The following KCNMA1 variants were observed in gnomAD, a reference collection of about 807,000 sequenced individuals.
The protein encoded by KCNMA1 is Calcium-activated potassium channel subunit alpha-1.
In KCNMA1, 29 loss-of-function variants were observed where a neutral mutation model predicts 140.0. The ratio of observed to expected loss-of-function variants is 0.21; its 90% CI spans 0.15 to 0.28. KCNMA1 has a LOEUF of 0.28. KCNMA1 is among the 10% of genes least tolerant of loss of function. The probability of loss-of-function intolerance (pLI) is 1.00; values close to 1 mark genes in which losing one functional copy is unlikely to be tolerated. For missense variants in KCNMA1, 880 were observed against 1,602.2 expected (o/e 0.55, Z 7.70); for synonymous variants, 612 against 611.9 (o/e 1.00, Z 0.00).
chr10:77,201,383 C>G (rs2042395727), intron 3 of KCNMA1, among the ~76,000 whole-genome samples: 1 of 152,182 alleles, frequency 6.6e-6, no homozygotes, highest in Non-Finnish European at 1.5e-5. Context: ...AATGCTAACA[C>G]AGGGAAAAAG....
At chr10:77,516,564 G>T (rs556324001) in intron 1 of KCNMA1, among the ~76,000 whole-genome samples, 80 of 152,328 alleles carry the variant, frequency 5.3e-4, no homozygotes, top group African/African-American at 1.8e-3. Context: ...TTACCCGAAT[G>T]AATTTAAGAA....
chr10:77,011,048 C>A (rs1420273915), intron 18 of KCNMA1, among the ~76,000 whole-genome samples: 1 of 151,836 alleles, frequency 6.6e-6, no homozygotes, highest in East Asian at 1.9e-4. Flanking sequence ...TTAATAACAC[C>A]CCTGCCAATT....
chr10:77,520,695 T>C (rs1012879105), intron 1 of KCNMA1, among the ~76,000 whole-genome samples: 29 of 152,040 alleles, frequency 1.9e-4, no homozygotes, highest in African/African-American at 5.8e-4. Context: ...TCCCACGCCA[T>C]ATAAAGTTCA....
intron 9 of KCNMA1, among the ~76,000 whole-genome samples, chr10:77,092,501 T>C (rs1179619710): frequency 1.3e-5 from 2 of 152,204 alleles, no homozygotes; most frequent in African/African-American, 4.8e-5. Context: ...AAAGCCAACA[T>C]GAATCCAATG....
chr10:77,403,781 G>T, intron 2 of KCNMA1, 81 bp downstream of exon 2: 3 of 1,402,324 alleles, frequency 2.1e-6, no homozygotes, highest in Non-Finnish European at 2.9e-6. Flanking sequence ...GAAGACCCTG[G>T]GGAATATCAC....
chr10:77,542,969 G>C (rs2060521679), intron 1 of KCNMA1, among the ~76,000 whole-genome samples: 1 of 152,086 alleles, frequency 6.6e-6, no homozygotes. Flanking sequence ...AGAACTATTA[G>C]AAAAAGAGCT....
intron 3 of KCNMA1, among the ~76,000 whole-genome samples, chr10:77,234,993 C>A (rs1282508952): frequency 6.6e-6 from 1 of 152,216 alleles, no homozygotes; most frequent in African/African-American, 2.4e-5. Context: ...TTCCACTGTT[C>A]TCCTTATGAG....
chr10:77,483,096 T>C (rs1166296536), intron 1 of KCNMA1, among the ~76,000 whole-genome samples: 1 of 151,558 alleles, frequency 6.6e-6, no homozygotes, highest in Non-Finnish European at 1.5e-5. Flanking sequence ...AGAATTTCAC[T>C]GGTACCCAGT....
intron 2 of KCNMA1, among the ~76,000 whole-genome samples, chr10:77,403,150 C>T (rs1283691095): frequency 6.6e-6 from 1 of 152,118 alleles, no homozygotes; most frequent in African/African-American, 2.4e-5. Context: ...AAACCAAGGG[C>T]TCATGAGGCC....
intron 2 of KCNMA1, among the ~76,000 whole-genome samples, chr10:77,378,299 A>G (rs2095251717): frequency 6.6e-6 from 1 of 152,152 alleles, no homozygotes; most frequent in Non-Finnish European, 1.5e-5. Context: ...TGCCTCCCCA[A>G]TGCCCCACTT....
chr10:77,518,650 C>G (rs535736967), intron 1 of KCNMA1, among the ~76,000 whole-genome samples: 20 of 152,270 alleles, frequency 1.3e-4, no homozygotes, highest in African/African-American at 4.8e-4. Flanking sequence ...CCAGCTCTGT[C>G]CCCAGCTTCT....
chr10:77,131,257 A>T (rs1172035629), intron 5 of KCNMA1, among the ~76,000 whole-genome samples: 1 of 152,228 alleles, frequency 6.6e-6, no homozygotes, highest in Non-Finnish European at 1.5e-5. Flanking sequence ...ACAAACTGCA[A>T]CACACAAAGA....
intron 2 of KCNMA1, among the ~76,000 whole-genome samples, chr10:77,276,891 C>T (rs990158175): frequency 4.6e-5 from 7 of 152,128 alleles, no homozygotes; most frequent in African/African-American, 1.4e-4. Context: ...TTAATCCCCA[C>T]AAAAAATTTA....
chr10:77,372,001 G>A (rs2094761790), intron 2 of KCNMA1, among the ~76,000 whole-genome samples: 1 of 152,164 alleles, frequency 6.6e-6, no homozygotes, highest in Admixed American at 6.5e-5. Flanking sequence ...GGTTCTTCCT[G>A]TTTGCACATC....
At chr10:77,278,189 A>G (rs2067244451) in intron 2 of KCNMA1, among the ~76,000 whole-genome samples, 1 of 152,222 alleles carries the variant, frequency 6.6e-6, no homozygotes, top group Non-Finnish European at 1.5e-5. Context: ...GCCACCTGAT[A>G]GGTGCTATAG....
rs181436458 is a variant in KCNMA1, at chr10:77,408,697, G to C, written c.379-4674C>G. ...AAAGGAACATGGAGGGAAGAATAGG[G>C]AGAAAAATGAGAGGTGAGGCCATCG... is the stretch of plus-strand genomic sequence containing the variant. On this transcript the variant is annotated intron_variant, in intron 1 of 27. Coordinates refer to ENST00000286628, the MANE Select transcript of KCNMA1 (RefSeq NM_001161352.2). 3.6e-3 allele frequency among the ~76,000 whole-genome samples: 545 copies of C among 152,172 alleles called. 12 individuals are homozygous for C. The highest frequency in any genetic ancestry group is 0.033 in the Admixed American group (504 of 15,294).
chr10:77,384,539 C>T (rs1400210403), intron 2 of KCNMA1, among the ~76,000 whole-genome samples: 2 of 152,162 alleles, frequency 1.3e-5, no homozygotes, highest in East Asian at 1.9e-4. Flanking sequence ...TACCATCCAT[C>T]GTCACATCCA....
intron 1 of KCNMA1, among the ~76,000 whole-genome samples, chr10:77,556,822 T>G (rs1456995119): frequency 6.6e-6 from 1 of 152,148 alleles, no homozygotes; most frequent in Non-Finnish European, 1.5e-5. Flanking sequence ...AAAAACACCC[T>G]AAGAAAATGT....
chr10:77,292,077 T>C (rs1601496845), intron 2 of KCNMA1, among the ~76,000 whole-genome samples: 1 of 152,180 alleles, frequency 6.6e-6, no homozygotes, highest in Admixed American at 6.5e-5. Flanking sequence ...CCTGCACATA[T>C]AAAAGTGTCA....
Sources: allele counts gnomAD v4.1 joint callset (sites outside exome capture counted in the v4.1 genomes callset), GRCh38; gene constraint gnomAD v4.1.1; transcripts MANE v1.5; gene names NCBI Gene and HGNC (gene_info 2026-07-23, HGNC 2026-07-21).